CSMD1: variants seen among roughly 807,000 people sequenced by gnomAD.
CSMD1 encodes the protein CUB and sushi domain-containing protein 1.
In CSMD1, 213 loss-of-function variants were observed where a neutral mutation model predicts 417.5. The ratio of observed to expected loss-of-function variants is 0.51; its 90% CI spans 0.46 to 0.57. The LOEUF (loss-of-function observed/expected upper bound fraction) is 0.57, where lower values mean the gene tolerates loss of function less well. CSMD1 is among the 20% of genes least tolerant of loss of function. The pLI, the probability that CSMD1 is intolerant of heterozygous loss-of-function variation, is 0.00. For missense variants in CSMD1, 6,923 were observed against 4,529.7 expected (o/e 1.53, Z -15.17); for synonymous variants, 2,862 against 1,736.8 (o/e 1.65, Z -16.11).
chr8:4,012,727 GACTA>G (rs1397934769), intron 4 of CSMD1, among the ~76,000 whole-genome samples: 1 of 152,110 alleles, frequency 6.6e-6, no homozygotes, highest in Non-Finnish European at 1.5e-5. Context: ...TAGCAATCCA[GACTA>G]ACTAGCCCTA....
chr8:4,035,719 C>T (rs975439928), intron 3 of CSMD1, among the ~76,000 whole-genome samples: 2 of 152,118 alleles, frequency 1.3e-5, no homozygotes, highest in African/African-American at 4.8e-5. Flanking sequence ...AATATTATTA[C>T]GGAAGAGTCA....
In CSMD1 at chr8:4,232,464, G is replaced by A. The variant is rs568692211; in HGVS notation, c.415+187489C>T. On this transcript the variant is annotated intron_variant, in intron 3 of 69. Coordinates refer to ENST00000635120, the MANE Select transcript of CSMD1 (RefSeq NM_033225.6). ...TCTGCCCACCTCAGATTCCCAAAGT[G>A]CTGGGATTACAGGCATGAGCAACTG... Among the ~76,000 whole-genome samples the A allele has an allele frequency of 3.9e-5, 6 of 152,230 alleles. No individual in the cohort carries two copies. In the South Asian group the frequency reaches 1.0e-3, roughly 26 times the overall value.
At chr8:3,057,303 G>T (rs1249151232) in intron 49 of CSMD1, among the ~76,000 whole-genome samples, 2 of 152,056 alleles carry the variant, frequency 1.3e-5, no homozygotes, top group Non-Finnish European at 2.9e-5. Context: ...CATTTAACTT[G>T]CAAATACAAA....
chr8:3,659,436 G>C (rs1798298939), intron 7 of CSMD1, among the ~76,000 whole-genome samples: 1 of 152,168 alleles, frequency 6.6e-6, no homozygotes, highest in African/African-American at 2.4e-5. Flanking sequence ...ATAATTATCT[G>C]AGACACTACT....
At chr8:4,108,483 C>A (rs1056648552) in intron 3 of CSMD1, among the ~76,000 whole-genome samples, 3 of 152,168 alleles carry the variant, frequency 2.0e-5, no homozygotes, top group Non-Finnish European at 4.4e-5. Context: ...GATTTAGTGG[C>A]AAGTGATTGC....
At chr8:3,218,377 C>A (rs1273420600) in intron 29 of CSMD1, among the ~76,000 whole-genome samples, 1 of 150,006 alleles carries the variant, frequency 6.7e-6, no homozygotes, top group Non-Finnish European at 1.5e-5. Flanking sequence ...CTGGCTAACA[C>A]TGTGAAACCC....
At chr8:4,250,464 G>A (rs1246131599) in intron 3 of CSMD1, among the ~76,000 whole-genome samples, 2 of 152,058 alleles carry the variant, frequency 1.3e-5, no homozygotes, top group South Asian at 2.1e-4. Flanking sequence ...TGATATTTGG[G>A]TCCACGTGAC....
At chr8:3,409,399 T>C (rs759430887) in intron 13 of CSMD1, 24 bp downstream of exon 13, 2 of 1,584,270 alleles carry the variant, frequency 1.3e-6, no homozygotes, top group East Asian at 2.3e-5. Flanking sequence ...CAGGAGGGAG[T>C]CCAGGTCAAG....
At chr8:4,783,426 A>G (rs780318060) in intron 1 of CSMD1, among the ~76,000 whole-genome samples, 1 of 152,188 alleles carries the variant, frequency 6.6e-6, no homozygotes, top group Non-Finnish European at 1.5e-5. Flanking sequence ...CTCTCAATTC[A>G]GTGCTTTGGC....
intron 5 of CSMD1, among the ~76,000 whole-genome samples, chr8:3,831,757 C>T (rs1802390679): frequency 6.6e-6 from 1 of 152,060 alleles, no homozygotes; most frequent in African/African-American, 2.4e-5. Context: ...GGATGGGTAG[C>T]ACAACACATA....
intron 5 of CSMD1, among the ~76,000 whole-genome samples, chr8:3,893,178 C>G (rs1807101992): frequency 2.0e-5 from 3 of 151,414 alleles, no homozygotes; most frequent in Admixed American, 2.0e-4. Flanking sequence ...AGTGAAAAAA[C>G]ATGTTCCCAG....
At chr8:4,925,980 G>T (rs896849654) in intron 1 of CSMD1, among the ~76,000 whole-genome samples, 1 of 152,134 alleles carries the variant, frequency 6.6e-6, no homozygotes, top group Non-Finnish European at 1.5e-5. Context: ...TACAGTTTTA[G>T]CAATGCATTC....
chr8:4,036,372 G>A (rs1797619156), intron 3 of CSMD1, among the ~76,000 whole-genome samples: 1 of 152,088 alleles, frequency 6.6e-6, no homozygotes, highest in Non-Finnish European at 1.5e-5. Context: ...ATGGTACTGC[G>A]CAATGGTATT....
At position 2,938,634 on chromosome 8, in the gene CSMD1, T is replaced by A. The variant is rs1214757780; in HGVS notation, c.10646A>T (p.Lys3549Met). 6.2e-7 allele frequency: 1 copy of A among 1,612,018 alleles called. No individual in the cohort carries two copies. The highest frequency in any genetic ancestry group is 8.5e-7 in the Non-Finnish European group (1 of 1,179,084). Residue 3549 changes from lysine (K) to methionine (M), a missense_variant, in exon 70 of 70, where the codon AAG becomes ATG. By Grantham distance (95) the Lys-to-Met change is moderately conservative. Transcript: ENST00000635120. ...CAGAGTTGTGTCAAACCTCACAGCCTTGGCTTCTGTGGGTTTTAAGTTTGT... is the reference window on the plus strand; with the variant it reads ...CAGAGTTGTGTCAAACCTCACAGCCATGGCTTCTGTGGGTTTTAAGTTTGT... ...YDTNLKPTEA[K>M]AVRFDTTLNT...
At chr8:3,560,844 G>A (rs78120241) in intron 10 of CSMD1, among the ~76,000 whole-genome samples, 7,726 of 152,190 alleles carry the variant, frequency 0.051, 359 homozygotes, top group Admixed American at 0.15. Flanking sequence ...ATGGCTTAGG[G>A]TAAAGGGTCT....
chr8:3,145,630 C>G (rs1818795146), intron 40 of CSMD1, among the ~76,000 whole-genome samples: 1 of 152,164 alleles, frequency 6.6e-6, no homozygotes, highest in Non-Finnish European at 1.5e-5. Context: ...GAAAATAGAA[C>G]AGAGCCCAGC....
rs77754538 is a variant in CSMD1 at position 3,148,126 on chromosome 8, T to C, written c.6031+3271A>G. 4.5e-3 allele frequency among the ~76,000 whole-genome samples: 684 copies of C among 152,296 alleles called. 9 individuals are homozygous for C. Among genetic ancestry groups the C allele is most frequent in the African/African-American group, 0.016 (664 of 41,554 alleles). ...CACAGGAAATGTTCCAGAATCACTT[T>C]ATGGTTTGGGTGTTAATAGGAAGCA... On this transcript the variant is annotated intron_variant, in intron 40 of 69. Coordinates refer to ENST00000635120, the MANE Select transcript of CSMD1 (RefSeq NM_033225.6).
chr8:3,083,527 G>A (rs1157229556), intron 49 of CSMD1, among the ~76,000 whole-genome samples: 4 of 138,222 alleles, frequency 2.9e-5, no homozygotes, highest in South Asian at 2.3e-4. Flanking sequence ...TAAGGAAGTC[G>A]CTTAATCTGT....
chr8:4,502,924 T>C (rs1802330971), intron 2 of CSMD1, among the ~76,000 whole-genome samples: 1 of 152,188 alleles, frequency 6.6e-6, no homozygotes, highest in Admixed American at 6.5e-5. Flanking sequence ...TTTTAAATTA[T>C]ATGTCTGTTT....
Sources: gnomAD v4.1 joint callset for allele counts (sites outside exome capture counted in the v4.1 genomes callset) on GRCh38, gnomAD v4.1.1 for gene constraint, MANE v1.5 for transcripts, NCBI Gene and HGNC (gene_info 2026-07-23, HGNC 2026-07-21) for gene names.